CTNND2: variants seen among roughly 807,000 people sequenced by gnomAD.
CTNND2 encodes catenin delta 2.
A neutral mutation model predicts 144.4 loss-of-function variants in CTNND2; 22 were observed. The ratio of observed to expected loss-of-function variants is 0.15; its 90% CI spans 0.11 to 0.22. CTNND2 has a LOEUF of 0.22. Among genes scored for constraint, CTNND2 ranks in the 10% least tolerant of loss-of-function variants. The pLI is 1.00. For synonymous variants in CTNND2, 751 were observed against 695.6 expected, an observed-to-expected ratio of 1.08 and a Z score of -1.25; for missense variants, 1,353 against 1,618.8, an observed-to-expected ratio of 0.84 and a Z score of 2.82.
chr5:11,464,367 T>C (rs1425616118), intron 3 of CTNND2, among the ~76,000 whole-genome samples: 1 of 152,132 alleles, frequency 6.6e-6, no homozygotes, highest in Non-Finnish European at 1.5e-5. Context: ...TGGTGATCAC[T>C]GGGAGGAGAG....
At chr5:11,678,569 C>T (rs181751444) in intron 2 of CTNND2, among the ~76,000 whole-genome samples, 36 of 152,228 alleles carry the variant, frequency 2.4e-4, no homozygotes, top group Admixed American at 1.1e-3. Context: ...GTTATTAAGA[C>T]GAAGCCCTCT....
At chr5:11,780,712 G>T (rs1297475094) in intron 1 of CTNND2, among the ~76,000 whole-genome samples, 1 of 152,128 alleles carries the variant, frequency 6.6e-6, no homozygotes, top group Non-Finnish European at 1.5e-5. Flanking sequence ...AGATGCAAAG[G>T]GTAGGAGAGG....
intron 5 of CTNND2, among the ~76,000 whole-genome samples, chr5:11,404,776 C>A (rs896870218): frequency 6.6e-6 from 1 of 151,780 alleles, no homozygotes. Context: ...CCCCACCATG[C>A]CCGGCTAATT....
intron 12 of CTNND2, among the ~76,000 whole-genome samples, chr5:11,127,045 G>C (rs1754749459): frequency 6.6e-6 from 1 of 152,252 alleles, no homozygotes; most frequent in African/African-American, 2.4e-5. Context: ...CCGTGCAGGG[G>C]TGGGGTCTGC....
intron 2 of CTNND2, among the ~76,000 whole-genome samples, chr5:11,696,943 C>G (rs1785166823): frequency 6.6e-6 from 1 of 152,168 alleles, no homozygotes; most frequent in South Asian, 2.1e-4. Context: ...TTGCCTTAAA[C>G]ACCTGGGCAA....
At chr5:11,885,984 T>C (rs1435742876) in intron 1 of CTNND2, among the ~76,000 whole-genome samples, 1 of 151,736 alleles carries the variant, frequency 6.6e-6, no homozygotes, top group African/African-American at 2.4e-5. Flanking sequence ...CAAATAAAAA[T>C]GGAAACACAA....
chr5:11,542,965 C>T (rs995193605), intron 3 of CTNND2, among the ~76,000 whole-genome samples: 5 of 152,188 alleles, frequency 3.3e-5, no homozygotes, highest in African/African-American at 1.2e-4. Context: ...AATCTCAAGT[C>T]ACATATATAA....
chr5:11,604,862 G>C (rs1779971103), intron 2 of CTNND2, among the ~76,000 whole-genome samples: 1 of 152,214 alleles, frequency 6.6e-6, no homozygotes, highest in Non-Finnish European at 1.5e-5. Context: ...TTTAGAGATG[G>C]AAGACCTACT....
chr5:11,698,565 G>A (rs1290533777), intron 2 of CTNND2, among the ~76,000 whole-genome samples: 10 of 152,086 alleles, frequency 6.6e-5, no homozygotes, highest in Non-Finnish European at 1.3e-4. Context: ...GGGATTACAG[G>A]TATGAGCCAC....
chr5:11,863,555 C>T (rs1795603851), intron 1 of CTNND2, among the ~76,000 whole-genome samples: 1 of 152,102 alleles, frequency 6.6e-6, no homozygotes, highest in South Asian at 2.1e-4. Flanking sequence ...CATGGGCAAA[C>T]CAGGAAGTGA....
chr5:11,061,781 T>A (rs752425085), intron 16 of CTNND2, among the ~76,000 whole-genome samples: 1 of 152,114 alleles, frequency 6.6e-6, no homozygotes, highest in Non-Finnish European at 1.5e-5. Flanking sequence ...CAATCTCGGC[T>A]CACTGCAGCC....
intron 9 of CTNND2, among the ~76,000 whole-genome samples, chr5:11,270,775 T>C (rs1220688899): frequency 2.0e-5 from 3 of 152,190 alleles, no homozygotes; most frequent in African/African-American, 7.2e-5. Flanking sequence ...GCCTTATTAT[T>C]GCAAGAAAGC....
chr5:11,583,886 C>T (rs1469478311), intron 2 of CTNND2, among the ~76,000 whole-genome samples: 1 of 152,198 alleles, frequency 6.6e-6, no homozygotes, highest in Non-Finnish European at 1.5e-5. Context: ...AGGGCCAGGG[C>T]AGCACCTCAG....
chr5:11,865,902 C>CAAAAAAAAAAAAAAAAAAAA lies in CTNND2; in HGVS notation c.37+37914_37+37915insTTTTTTTTTTTTTTTTTTTT, dbSNP rs56310600. Among the ~76,000 whole-genome samples the CAAAAAAAAAAAAAAAAAAAA allele has an allele frequency of 1.4e-4, 12 of 87,442 alleles. 2 individuals are homozygous for CAAAAAAAAAAAAAAAAAAAA. The highest frequency in any genetic ancestry group is 3.1e-4 in the Admixed American group (2 of 6,420). 57.4% of individuals were successfully genotyped at this position (87,442 alleles called of 152,430 possible). A position where few individuals can be genotyped will look rare whatever the true frequency, so the allele number is the denominator to read the frequency against. ...GGCAACCTTTAGAAGCTGGAAGAGA[C>CAAAAAAAAAAAAAAAAAAAA]AAAAAAAAAAAAACGAGTTCTCCTC... On this transcript the variant is annotated intron_variant, in intron 1 of 21. Coordinates refer to ENST00000304623, the MANE Select transcript of CTNND2 (RefSeq NM_001332.4).
chr5:11,782,016 G>T (rs1399804497), intron 1 of CTNND2, among the ~76,000 whole-genome samples: 1 of 152,160 alleles, frequency 6.6e-6, no homozygotes, highest in Non-Finnish European at 1.5e-5. Context: ...CTGGTGGGAG[G>T]TAACTGAATC....
chr5:11,077,842 G>C (rs912991285), intron 16 of CTNND2, among the ~76,000 whole-genome samples: 13 of 152,156 alleles, frequency 8.5e-5, no homozygotes. Flanking sequence ...AGGACAACCA[G>C]ATTTGTTGAT....
intron 1 of CTNND2, among the ~76,000 whole-genome samples, chr5:11,787,004 C>T (rs768907765): frequency 6.6e-5 from 10 of 152,196 alleles, no homozygotes; most frequent in Non-Finnish European, 1.3e-4. Flanking sequence ...CACATCTCAT[C>T]AGCAACTTAG....
intron 10 of CTNND2, among the ~76,000 whole-genome samples, chr5:11,205,789 C>A (rs1484525001): frequency 6.6e-6 from 1 of 152,162 alleles, no homozygotes; most frequent in Non-Finnish European, 1.5e-5. Context: ...AAATGGCCTG[C>A]GTTCTCCATT....
intron 7 of CTNND2, among the ~76,000 whole-genome samples, chr5:11,382,552 C>T (rs1014519952): frequency 4.6e-5 from 7 of 151,214 alleles, no homozygotes; most frequent in Admixed American, 1.3e-4. Flanking sequence ...GAGCCGAGAT[C>T]GCACCACTGC....
Sources: gnomAD v4.1 joint callset for allele counts (sites outside exome capture counted in the v4.1 genomes callset) on GRCh38, gnomAD v4.1.1 for gene constraint, MANE v1.5 for transcripts, NCBI Gene and HGNC (gene_info 2026-07-23, HGNC 2026-07-21) for gene names.